Variants in POTEC observed in about 807,000 individuals in gnomAD.
POTEC encodes ANKRD26-like family B member 2.
POTEC carries 35 observed loss-of-function variants against 62.0 expected under a neutral mutation model. The observed-to-expected ratio is 0.56, with a 90% confidence interval of 0.43 to 0.75. The LOEUF (loss-of-function observed/expected upper bound fraction) is 0.75, where lower values mean the gene tolerates loss of function less well. Among genes scored for constraint, POTEC ranks in the 30% least tolerant of loss-of-function variants. POTEC has a pLI of 0.00. For synonymous variants in POTEC, 156 were observed against 221.5 expected (o/e 0.70, Z 2.62); for missense variants, 472 against 655.9 (o/e 0.72, Z 3.06).
rs556999030 is a variant in POTEC at position 14,528,586 on chromosome 18, G to A, written c.1126+1897C>T. Among the ~76,000 whole-genome samples the A allele has an allele frequency of 4.2e-4, 64 of 151,984 alleles. No homozygotes were observed. The East Asian group carries it at 8.1e-3, about 19-fold the overall frequency. ...AGAACAAGATGTTTGGAGCTGCTGC[G>A]GATTAGCCAACCATGAAAGGAGACA... On this transcript the variant is annotated intron_variant, in intron 6 of 10. Coordinates refer to ENST00000358970, the MANE Select transcript of POTEC (RefSeq NM_001137671.2).
At position 14,543,283 on chromosome 18, in the gene POTEC, C is replaced by T. The variant is rs1387582935; in HGVS notation, c.-137G>A. The T allele has an allele frequency of 1.1e-5, 16 of 1,400,202 alleles. No homozygotes were observed. The highest frequency in any genetic ancestry group is 1.5e-5 in the Non-Finnish European group (16 of 1,035,086). The allele number at this position is 1,400,202 out of a possible 1,614,324, so 86.7% of individuals were successfully genotyped here. ...CAATCCCAGCCAAAACTTGCCAACC[C>T]CAGCAAGGGAGCCCAGTCCACCCCA... On this transcript the variant is annotated 5_prime_UTR_variant, in exon 1 of 11. Transcript: ENST00000358970.
intron 6 of POTEC, chr18:14,528,168 G>A (rs527281394): frequency 6.6e-6 from 1 of 152,170 alleles, no homozygotes; most frequent in Admixed American, 6.5e-5. Context: ...GTCCTTTACA[G>A]AAAAAGCTTG....
chr18:14,537,944 A>T lies in POTEC; in HGVS notation c.667T>A (p.Leu223Ile). 1 of 1,612,590 alleles carries T rather than the reference A, an allele frequency of 6.2e-7. No homozygotes were observed. Among genetic ancestry groups the T allele is most frequent in the Middle Eastern group, 2.0e-4 (1 of 5,070 alleles). ...TCAGCGCCATGTTCCAGCAACATTAACACACATTCATCTTCCTGGCATTGT... is the reference window on the plus strand; with the variant it reads ...TCAGCGCCATGTTCCAGCAACATTATCACACATTCATCTTCCTGGCATTGT... The part of the protein sequence containing the change: ...AVQCQEDECV[L>I]MLLEHGADQN... Residue 223 changes from leucine to isoleucine, a missense_variant, in exon 3 of 11, where the codon TTA (leucine) becomes ATA (isoleucine). Around this residue, in one of 5 missense-constraint regions of POTEC, gnomAD observed 52 missense variants for 54.2 expected, o/e 0.96. Transcript: ENST00000358970.
At chr18:14,532,572 T>A (rs973052492) in intron 5 of POTEC, among the ~76,000 whole-genome samples, 2 of 152,086 alleles carry the variant, frequency 1.3e-5, no homozygotes, top group East Asian at 3.9e-4. Flanking sequence ...AACAACAGAA[T>A]GATTGGAATG....
intron 6 of POTEC, chr18:14,527,836 T>G: frequency 6.6e-6 from 1 of 152,094 alleles, no homozygotes; most frequent in Non-Finnish European, 1.5e-5. Context: ...CCAAACTTTA[T>G]TTTGCCATGG....
chr18:14,524,935 A>C lies in POTEC; in HGVS notation c.1175T>G (p.Val392Gly), dbSNP rs1355301107. Residue 392 changes from valine to glycine, a missense_variant, in exon 7 of 11, where the codon GTC becomes GGC. Physicochemically the swap from Val to Gly is moderately radical, Grantham distance 109. Around this residue, in one of 5 missense-constraint regions of POTEC, gnomAD observed 83 missense variants for 254.3 expected, o/e 0.33. Coordinates refer to ENST00000358970, the MANE Select transcript of POTEC (RefSeq NM_001137671.2). Reference sequence around the variant, plus strand: ...TGCCTCTGGCTGGCTATTTTCACTGACTTTAAGCCTTTGTGACTCTTCCTC... The same window carrying C: ...TGCCTCTGGCTGGCTATTTTCACTGCCTTTAAGCCTTTGTGACTCTTCCTC... ...TSEEESQRLK[V>G]SENSQPEKMS... 6.2e-7 allele frequency: 1 copy of C among 1,605,278 alleles called. No individual in the cohort carries two copies. The highest frequency in any genetic ancestry group is 2.2e-5 in the East Asian group (1 of 44,620).
Position 14,515,496 on chromosome 18 carries a change from T to C in POTEC, c.1410-1711A>G, listed in dbSNP as rs1015778734. Among the ~76,000 whole-genome samples, 7 of 152,122 alleles carry C rather than the reference T, an allele frequency of 4.6e-5. No homozygotes were observed. In the East Asian group the frequency reaches 7.7e-4, roughly 17 times the overall value. ...GCTGGGAAAAAAAGATAGTCACATA[T>C]AGAAGAATAAAATTGGATCTCTACC... is the stretch of plus-strand genomic sequence containing the variant. On this transcript the variant is annotated intron_variant, in intron 9 of 10. Transcript: ENST00000358970.
At chr18:14,538,640 C>T (rs1304609069) in intron 1 of POTEC, among the ~76,000 whole-genome samples, 1 of 151,778 alleles carries the variant, frequency 6.6e-6, no homozygotes, top group Non-Finnish European at 1.5e-5. Context: ...TAGTTCCTAA[C>T]ACAAATAACA....
chr18:14,536,098 A>G (rs901136785), intron 3 of POTEC, among the ~76,000 whole-genome samples: 1 of 151,386 alleles, frequency 6.6e-6, no homozygotes, highest in African/African-American at 2.4e-5. Context: ...CAAAAACCTC[A>G]TCTCTACTAA....
intron 4 of POTEC, among the ~76,000 whole-genome samples, chr18:14,534,058 A>G (rs931405522): frequency 1.3e-4 from 18 of 138,306 alleles, no homozygotes; most frequent in East Asian, 2.3e-4. Context: ...ATATCTCCCA[A>G]TGCTATCCCT....
intron 1 of POTEC, among the ~76,000 whole-genome samples, chr18:14,540,977 G>A (rs1478667673): frequency 6.6e-6 from 1 of 151,882 alleles, no homozygotes. Context: ...TGCAACCTCC[G>A]TCTCCCTGGT....
chr18:14,519,353 T>C (rs997345891), intron 9 of POTEC, among the ~76,000 whole-genome samples: 2 of 152,074 alleles, frequency 1.3e-5, no homozygotes, highest in East Asian at 1.9e-4. Context: ...GATATAGAAA[T>C]CTGGAATTAA....
intron 9 of POTEC, among the ~76,000 whole-genome samples, chr18:14,514,486 A>T (rs934262388): frequency 2.6e-5 from 4 of 152,226 alleles, no homozygotes; most frequent in African/African-American, 7.2e-5. Flanking sequence ...TATTTTTTGG[A>T]AACAGTTTCC....
At chr18:14,520,183 T>C (rs976038557) in intron 9 of POTEC, among the ~76,000 whole-genome samples, 2 of 152,106 alleles carry the variant, frequency 1.3e-5, no homozygotes, top group African/African-American at 4.8e-5. Flanking sequence ...AATAGACAAA[T>C]AGTTTCAAAT....
At chr18:14,521,654 C>A (rs1446695783) in intron 9 of POTEC, among the ~76,000 whole-genome samples, 1 of 152,048 alleles carries the variant, frequency 6.6e-6, no homozygotes, top group African/African-American at 2.4e-5. Flanking sequence ...AATGTATTTA[C>A]CAACAGTGTA....
chr18:14,529,071 T>C (rs568126933), intron 6 of POTEC: 3 of 453,702 alleles, frequency 6.6e-6, no homozygotes, highest in South Asian at 1.6e-5. Flanking sequence ...TCACTCTGCA[T>C]GCTTACCTTG....
chr18:14,520,733 C>G (rs1355673653), intron 9 of POTEC, among the ~76,000 whole-genome samples: 1 of 151,944 alleles, frequency 6.6e-6, no homozygotes, highest in Admixed American at 6.6e-5. Context: ...CAAATTAGCA[C>G]CTGTGGGCCA....
chr18:14,507,962 G>A lies in POTEC; in HGVS notation c.*3936C>T, dbSNP rs1366528127. On this transcript the variant is annotated 3_prime_UTR_variant, in exon 11 of 11. Transcript: ENST00000358970. Reference sequence around the variant, plus strand: ...TAAGTCTGATGGAATTCCCTTTGCAGGTGATGTTGCCTTTCTCCCTAGCTG... The same window carrying A: ...TAAGTCTGATGGAATTCCCTTTGCAAGTGATGTTGCCTTTCTCCCTAGCTG... 2 of 152,190 alleles carry A rather than the reference G, an allele frequency of 1.3e-5. No individual in the cohort carries two copies. The highest frequency in any genetic ancestry group is 4.8e-5 in the African/African-American group (2 of 41,450). The allele number at this position is 152,190 out of a possible 1,614,324, so 9.4% of individuals were successfully genotyped here.
intron 9 of POTEC, among the ~76,000 whole-genome samples, chr18:14,516,380 T>G (rs1189259646): frequency 9.4e-6 from 1 of 105,874 alleles, no homozygotes; most frequent in Non-Finnish European, 1.8e-5. Flanking sequence ...AGAGGCTTAA[T>G]TGATTCACAG....
Sources: allele counts gnomAD v4.1 joint callset (sites outside exome capture counted in the v4.1 genomes callset), GRCh38; gene constraint gnomAD v4.1.1; regional missense constraint gnomAD v4.1.1; transcripts MANE v1.5; gene names NCBI Gene and HGNC (gene_info 2026-07-23, HGNC 2026-07-21).